NEGR1: variants seen among roughly 807,000 people sequenced by gnomAD.
The protein encoded by NEGR1 is neuronal growth regulator 1.
NEGR1 carries 10 observed loss-of-function variants against 40.9 expected under a neutral mutation model. The ratio of observed to expected loss-of-function variants is 0.24; its 90% CI spans 0.15 to 0.42. The LOEUF is 0.42. NEGR1 is among the 10% of genes least tolerant of loss of function. The pLI, the probability that NEGR1 is intolerant of heterozygous loss-of-function variation, is 1.00. For missense variants in NEGR1, 352 were observed against 438.9 expected, an observed-to-expected ratio of 0.80 and a Z score of 1.77; for synonymous variants, 185 against 166.8, an observed-to-expected ratio of 1.11 and a Z score of -0.84.
At chr1:71,774,077 T>C (rs1305089992) in intron 3 of NEGR1, among the ~76,000 whole-genome samples, 1 of 152,212 alleles carries the variant, frequency 6.6e-6, no homozygotes, top group African/African-American at 2.4e-5. Context: ...TACATTTACA[T>C]ATTAAGTTTT....
intron 2 of NEGR1, among the ~76,000 whole-genome samples, chr1:71,811,472 C>A (rs1261630252): frequency 1.3e-5 from 2 of 151,772 alleles, no homozygotes; most frequent in Non-Finnish European, 2.9e-5. Flanking sequence ...AGCTGTACAC[C>A]CTTGGCCCAA....
intron 1 of NEGR1, among the ~76,000 whole-genome samples, chr1:72,200,464 T>C (rs889502106): frequency 4.6e-5 from 7 of 151,820 alleles, no homozygotes; most frequent in African/African-American, 1.2e-4. Flanking sequence ...GAGCTAAACA[T>C]TGAATACACA....
intron 2 of NEGR1, among the ~76,000 whole-genome samples, chr1:71,779,806 T>A (rs1656637258): frequency 6.6e-6 from 1 of 151,846 alleles, no homozygotes; most frequent in Non-Finnish European, 1.5e-5. Flanking sequence ...TGACTTCAGG[T>A]GATCTACCTG....
At chr1:71,571,131 A>G (rs576850225) in intron 6 of NEGR1, 1 of 152,346 alleles carries the variant, frequency 6.6e-6, no homozygotes, top group Admixed American at 6.5e-5. Flanking sequence ...TTCATATTAG[A>G]AAGTAGGACA....
At chr1:72,141,413 T>C (rs1488870183) in intron 1 of NEGR1, among the ~76,000 whole-genome samples, 2 of 152,074 alleles carry the variant, frequency 1.3e-5, no homozygotes, top group Non-Finnish European at 2.9e-5. Context: ...ACCAAAATCA[T>C]ACATTCCATA....
intron 2 of NEGR1, among the ~76,000 whole-genome samples, chr1:71,866,537 T>C (rs1218893185): frequency 6.6e-6 from 1 of 152,200 alleles, no homozygotes; most frequent in African/African-American, 2.4e-5. Flanking sequence ...TATCTGACCT[T>C]ACAAAGTTTT....
At chr1:71,962,462 T>G (rs1210266353) in intron 1 of NEGR1, among the ~76,000 whole-genome samples, 1 of 152,062 alleles carries the variant, frequency 6.6e-6, no homozygotes, top group Admixed American at 6.6e-5. Flanking sequence ...CAAAAGAAAT[T>G]AAACTCTCTT....
chr1:71,977,383 A>G lies in NEGR1; in HGVS notation c.177-42072T>C, dbSNP rs767605538. Among the ~76,000 whole-genome samples the G allele has an allele frequency of 6.3e-4, 96 of 152,090 alleles. 1 individual carries two copies. Among genetic ancestry groups the G allele is most frequent in the Non-Finnish European group, 2.5e-4 (17 of 68,018 alleles). On this transcript the variant is annotated intron_variant, in intron 1 of 6. Transcript: ENST00000357731. ...AATCAAAACAAACAAAAAACTAGAAAGTGCCTGCTTGTCCTTGGATTTCAA... is the reference window on the plus strand; with the variant it reads ...AATCAAAACAAACAAAAAACTAGAAGGTGCCTGCTTGTCCTTGGATTTCAA...
chr1:71,923,230 C>T (rs534013104), intron 2 of NEGR1, among the ~76,000 whole-genome samples: 92 of 152,194 alleles, frequency 6.0e-4, no homozygotes, highest in African/African-American at 2.2e-3. Flanking sequence ...CATTTGTCTT[C>T]TATTCCATCA....
At chr1:71,435,682 C>G (rs909446319) in intron 6 of NEGR1, among the ~76,000 whole-genome samples, 1 of 152,220 alleles carries the variant, frequency 6.6e-6, no homozygotes, top group African/African-American at 2.4e-5. Context: ...CTGCCAACCC[C>G]TGAGCCTTGA....
At chr1:71,508,378 C>G (rs577539841) in intron 6 of NEGR1, among the ~76,000 whole-genome samples, 2 of 152,166 alleles carry the variant, frequency 1.3e-5, no homozygotes, top group Non-Finnish European at 2.9e-5. Context: ...CTGAGGAACC[C>G]CTAAAGTTAA....
At chr1:71,651,505 C>T (rs1651716856) in intron 4 of NEGR1, among the ~76,000 whole-genome samples, 1 of 152,104 alleles carries the variant, frequency 6.6e-6, no homozygotes, top group Admixed American at 6.5e-5. Flanking sequence ...TAAAACCTTG[C>T]TTCTCTTCTT....
At chr1:72,092,353 A>T (rs1648532075) in intron 1 of NEGR1, among the ~76,000 whole-genome samples, 1 of 152,066 alleles carries the variant, frequency 6.6e-6, no homozygotes, top group Non-Finnish European at 1.5e-5. Context: ...AATGCTTCTG[A>T]GTTGATGTGT....
chr1:71,457,483 A>G (rs1161135209), intron 6 of NEGR1, among the ~76,000 whole-genome samples: 4 of 152,122 alleles, frequency 2.6e-5, no homozygotes, highest in Non-Finnish European at 5.9e-5. Flanking sequence ...TTATCCTTGT[A>G]TGATTCAGGG....
chr1:71,992,267 T>C (rs1394027891), intron 1 of NEGR1, among the ~76,000 whole-genome samples: 1 of 152,134 alleles, frequency 6.6e-6, no homozygotes, highest in Non-Finnish European at 1.5e-5. Context: ...ATTTCAGGGA[T>C]AATTAAAAAT....
At chr1:71,602,010 G>C (rs925755633) in intron 5 of NEGR1, among the ~76,000 whole-genome samples, 2 of 152,002 alleles carry the variant, frequency 1.3e-5, no homozygotes, top group African/African-American at 2.4e-5. Context: ...AAAGGGACTA[G>C]ATTGTTTTAG....
intron 1 of NEGR1, among the ~76,000 whole-genome samples, chr1:72,072,912 C>T (rs1481450423): frequency 6.6e-6 from 1 of 152,156 alleles, no homozygotes; most frequent in East Asian, 1.9e-4. Flanking sequence ...GTGTCTTGTA[C>T]TACTTTATGA....
intron 2 of NEGR1, among the ~76,000 whole-genome samples, chr1:71,908,562 G>C (rs1485008094): frequency 6.6e-6 from 1 of 152,096 alleles, no homozygotes; most frequent in African/African-American, 2.4e-5. Context: ...GAAGAAAGGA[G>C]GCTCTGAGAG....
chr1:72,095,795 C>G (rs1299303642), intron 1 of NEGR1, among the ~76,000 whole-genome samples: 1 of 152,026 alleles, frequency 6.6e-6, no homozygotes, highest in Non-Finnish European at 1.5e-5. Flanking sequence ...CAAGCCTTAA[C>G]CCAAGCCAAT....
Sources: allele counts gnomAD v4.1 joint callset (sites outside exome capture counted in the v4.1 genomes callset), GRCh38; gene constraint gnomAD v4.1.1; transcripts MANE v1.5; gene names NCBI Gene and HGNC (gene_info 2026-07-23, HGNC 2026-07-21).